The following ZNF385D variants were observed in gnomAD, a reference collection of about 807,000 sequenced individuals.
ZNF385D encodes zinc finger protein 659.
ZNF385D carries 15 observed loss-of-function variants against 35.8 expected under a neutral mutation model. That is an observed-to-expected ratio of 0.42 (90% CI 0.28 to 0.64). ZNF385D has a LOEUF of 0.64. Among genes scored for constraint, ZNF385D ranks in the 30% least tolerant of loss-of-function variants. ZNF385D has a pLI of 0.23. For missense variants in ZNF385D, 474 were observed against 494.6 expected (o/e 0.96, Z 0.39); for synonymous variants, 212 against 186.8 (o/e 1.13, Z -1.10).
At chr3:22,301,801 T>C (rs1702915762) in intron 2 of ZNF385D, among the ~76,000 whole-genome samples, 1 of 152,096 alleles carries the variant, frequency 6.6e-6, no homozygotes, top group Non-Finnish European at 1.5e-5. Flanking sequence ...GAAATACATG[T>C]TATGCAGCAA....
At chr3:22,164,877 A>T (rs1706211759) in intron 3 of ZNF385D, among the ~76,000 whole-genome samples, 1 of 152,192 alleles carries the variant, frequency 6.6e-6, no homozygotes, top group African/African-American at 2.4e-5. Context: ...ACACAGAGAA[A>T]AGTTACATGC....
intron 3 of ZNF385D, among the ~76,000 whole-genome samples, chr3:21,776,638 G>A (rs1054308589): frequency 6.6e-6 from 1 of 151,794 alleles, no homozygotes; most frequent in Non-Finnish European, 1.5e-5. Flanking sequence ...GTAATTTAGA[G>A]ATAACTAAAA....
At chr3:21,758,993 A>AAAAAC (rs1380100311) in intron 3 of ZNF385D, among the ~76,000 whole-genome samples, 2 of 148,084 alleles carry the variant, frequency 1.4e-5, no homozygotes, top group African/African-American at 5.0e-5. Context: ...AAAAAAAAAA[A>AAAAAC]AAAAAAAAAA....
chr3:21,976,362 T>C (rs772503613), intron 3 of ZNF385D, among the ~76,000 whole-genome samples: 15 of 152,216 alleles, frequency 9.9e-5, no homozygotes, highest in Admixed American at 2.0e-4. Context: ...TTTTGATTAG[T>C]ATCTTCAAAT....
intron 3 of ZNF385D, among the ~76,000 whole-genome samples, chr3:21,784,122 G>T (rs1170017758): frequency 6.6e-6 from 1 of 152,076 alleles, no homozygotes; most frequent in African/African-American, 2.4e-5. Flanking sequence ...TGAACTATGG[G>T]TATTAGGAAC....
chr3:22,203,780 T>C (rs62246460), intron 2 of ZNF385D, among the ~76,000 whole-genome samples: 3,541 of 152,262 alleles, frequency 0.023, 55 homozygotes, highest in Middle Eastern at 0.048. Flanking sequence ...AAAGTGGGAA[T>C]GACTTTGTCT....
chr3:21,760,251 C>T (rs561336731), intron 3 of ZNF385D, among the ~76,000 whole-genome samples: 3 of 152,154 alleles, frequency 2.0e-5, no homozygotes, highest in African/African-American at 4.8e-5. Context: ...TTCGCCACCA[C>T]GAATACCATT....
chr3:22,093,898 G>A (rs957823252), intron 3 of ZNF385D, among the ~76,000 whole-genome samples: 6 of 151,996 alleles, frequency 3.9e-5, no homozygotes, highest in Admixed American at 3.9e-4. Context: ...CTTTATAAAT[G>A]AAGACATCAA....
At chr3:21,498,248 C>G (rs903482159) in intron 4 of ZNF385D, among the ~76,000 whole-genome samples, 1 of 151,974 alleles carries the variant, frequency 6.6e-6, no homozygotes, top group Admixed American at 6.6e-5. Flanking sequence ...AAGGTAAAAT[C>G]TAAAATGACA....
At chr3:22,146,177 C>T (rs892401405) in intron 3 of ZNF385D, among the ~76,000 whole-genome samples, 3 of 152,090 alleles carry the variant, frequency 2.0e-5, no homozygotes, top group Admixed American at 1.3e-4. Context: ...ATCTGGTCTA[C>T]TAAAAAAGTA....
chr3:21,631,203 A>C (rs2065271575), intron 2 of ZNF385D, among the ~76,000 whole-genome samples: 1 of 152,106 alleles, frequency 6.6e-6, no homozygotes, highest in African/African-American at 2.4e-5. Flanking sequence ...ACTTCAGTGG[A>C]CGGTTGGGAA....
intron 2 of ZNF385D, among the ~76,000 whole-genome samples, chr3:21,612,169 C>T (rs1365249654): frequency 6.6e-6 from 1 of 152,178 alleles, no homozygotes; most frequent in Non-Finnish European, 1.5e-5. Context: ...ACCTCCGCCT[C>T]CCAGGTCCTG....
chr3:21,478,310 C>T (rs1704379875), intron 4 of ZNF385D, among the ~76,000 whole-genome samples: 2 of 152,028 alleles, frequency 1.3e-5, no homozygotes, highest in Admixed American at 6.6e-5. Context: ...CTGCAGTGTT[C>T]TTCCCTACCA....
Position 22,187,672 on chromosome 3 carries a change from G to C in ZNF385D, c.107-18637C>G, listed in dbSNP as rs146937681. On this transcript the variant is annotated intron_variant, in intron 2 of 5. Transcript: ENST00000494108. Reference sequence around the variant, plus strand: ...CATTAAACTTGAAAACTTTATAATAGATATATATTTAATTAAAATTAGGAA... The same window carrying C: ...CATTAAACTTGAAAACTTTATAATACATATATATTTAATTAAAATTAGGAA... 9.5e-4 allele frequency among the ~76,000 whole-genome samples: 145 copies of C among 152,110 alleles called. 1 individual carries two copies. The East Asian group carries it at 0.013, about 14-fold the overall frequency.
chr3:21,876,039 A>C (rs2125855005), intron 3 of ZNF385D, among the ~76,000 whole-genome samples: 1 of 152,214 alleles, frequency 6.6e-6, no homozygotes, highest in East Asian at 1.9e-4. Flanking sequence ...TTACTTCATC[A>C]TAGTTGGTTT....
intron 2 of ZNF385D, among the ~76,000 whole-genome samples, chr3:22,280,117 T>C (rs1036464443): frequency 2.0e-5 from 3 of 152,058 alleles, no homozygotes; most frequent in African/African-American, 7.2e-5. Context: ...TAGCCCACTT[T>C]TTGATGGGGC....
intron 2 of ZNF385D, among the ~76,000 whole-genome samples, chr3:21,617,139 G>A (rs1010992507): frequency 2.0e-5 from 3 of 152,138 alleles, no homozygotes; most frequent in Admixed American, 6.5e-5. Context: ...AATGTGTTAA[G>A]TATTAGAGAA....
At chr3:21,628,492 A>T (rs1033978118) in intron 2 of ZNF385D, among the ~76,000 whole-genome samples, 1 of 147,078 alleles carries the variant, frequency 6.8e-6, no homozygotes, top group Non-Finnish European at 1.5e-5. Flanking sequence ...AGTAGTTTAT[A>T]TGAAAAATCT....
chr3:22,156,397 T>C (rs1462138079), intron 3 of ZNF385D, among the ~76,000 whole-genome samples: 1 of 152,088 alleles, frequency 6.6e-6, no homozygotes, highest in Non-Finnish European at 1.5e-5. Context: ...CCCCTGCCCC[T>C]GCACAGATGG....
Sources: allele counts gnomAD v4.1 joint callset (sites outside exome capture counted in the v4.1 genomes callset), GRCh38; gene constraint gnomAD v4.1.1; transcripts MANE v1.5; gene names NCBI Gene and HGNC (gene_info 2026-07-23, HGNC 2026-07-21).